EPHB3: variants seen among roughly 807,000 people sequenced by gnomAD.
The protein encoded by EPHB3 is EPH receptor B3, also known as ephrin type-B receptor 3.
Under a neutral mutation model 100.2 loss-of-function variants are expected in EPHB3, and 33 were observed. The observed-to-expected ratio is 0.33, with a 90% CI of 0.25 to 0.44. The LOEUF is 0.44. Among genes scored for constraint, EPHB3 ranks in the 20% least tolerant of loss-of-function variants. EPHB3 has a pLI of 1.00. For synonymous variants in EPHB3, 526 were observed against 554.7 expected, an observed-to-expected ratio of 0.95 and a Z score of 0.73; for missense variants, 1,045 against 1,378.3, an observed-to-expected ratio of 0.76 and a Z score of 3.83.
rs779086977 is a variant in EPHB3, at chr3:184,573,097, T to C, written c.777T>C (p.Asp259=). The change falls in exon 3 of 16, where the codon GAT becomes GAC. Residue 259 remains aspartate, a synonymous_variant. Transcript: ENST00000330394. This position sits in a 1 kb window ranked among gnomAD's most constrained non-coding sequence, Gnocchi z 4.5. The part of the protein sequence containing the change: ...SVPLKLYCNG[D]GEWMVPVGAC... ...CACTCAAGCTCTACTGCAACGGCGA[T>C]GGGGAGTGGATGGTGCCTGTGGGTG... 2.5e-6 allele frequency: 4 copies of C among 1,612,998 alleles called. No homozygotes were observed. Among genetic ancestry groups the C allele is most frequent in the Admixed American group, 3.3e-5 (2 of 60,022 alleles).
rs1026119465 is a variant in EPHB3, at chr3:184,581,832, G to C, written c.*210G>C. The stretch of plus-strand genomic sequence containing the variant: ...TCTTCATATTGAAGATGGATTAGGA[G>C]AGGGGGTGATGACCCCTCCCCAAGC... On this transcript the variant is annotated 3_prime_UTR_variant, in exon 16 of 16. Transcript: ENST00000330394. 21 of 553,168 alleles carry C rather than the reference G, an allele frequency of 3.8e-5. No individual in the cohort carries two copies. The highest frequency in any genetic ancestry group is 6.3e-5 in the Non-Finnish European group (20 of 319,904). 34.3% of individuals were successfully genotyped at this position (553,168 alleles called of 1,614,324 possible).
At position 184,562,371 on chromosome 3, in the gene EPHB3, G is replaced by C. The variant is rs765272306; in HGVS notation, c.118+18G>C. 1.6e-6 allele frequency: 2 copies of C among 1,218,208 alleles called. No homozygotes were observed. Among genetic ancestry groups the C allele is most frequent in the Non-Finnish European group, 2.0e-6 (2 of 980,842 alleles). 75.5% of individuals were successfully genotyped at this position (1,218,208 alleles called of 1,614,324 possible). A position where few individuals can be genotyped will look rare whatever the true frequency, so the allele number is the denominator to read the frequency against. On this transcript the variant is annotated intron_variant, in intron 1 of 15. Transcript: ENST00000330394. This position sits in a 1 kb window ranked among gnomAD's most constrained non-coding sequence, Gnocchi z 4.8. ...GCTGGAAGGTGAGCGGCGTCGGGGG[G>C]CGCGCCCGGGAACAAGGTGCCTGGG...
At position 184,581,091 on chromosome 3, in the gene EPHB3, C is replaced by T. The variant is rs747777747; in HGVS notation, c.2658C>T (p.Ser886=). Residue 886 remains serine (S), a synonymous_variant, in exon 14 of 16, where the codon TCC becomes TCT. Coordinates refer to ENST00000330394, the MANE Select transcript of EPHB3 (RefSeq NM_004443.4). ...ACCGGAACCTCAGGCCCAAATTCTC[C>T]CAGATTGTCAATACCCTGGACAAGC... is the stretch of plus-strand genomic sequence containing the variant. ...VRDRNLRPKF[S]QIVNTLDKLI... 2 of 1,614,076 alleles carry T rather than the reference C, an allele frequency of 1.2e-6. No homozygotes were observed. Among genetic ancestry groups the T allele is most frequent in the Non-Finnish European group, 1.7e-6 (2 of 1,180,048 alleles).
rs762220469 is a variant in EPHB3 at position 184,573,039 on chromosome 3, C to G, written c.719C>G (p.Thr240Ser). 6.2e-7 allele frequency: 1 copy of G among 1,613,248 alleles called. No individual in the cohort carries two copies. Among genetic ancestry groups the G allele is most frequent in the Non-Finnish European group, 8.5e-7 (1 of 1,180,000 alleles). The change falls in exon 3 of 16, where the codon ACC (threonine) becomes AGC (serine). Residue 240 changes from threonine (T) to serine (S), a missense_variant. Physicochemically the swap from Thr to Ser is moderately conservative, Grantham distance 58 (BLOSUM62 1). Around this residue, in one of 2 missense-constraint regions of EPHB3, gnomAD observed 985 missense variants for 1,331.1 expected, o/e 0.74. Coordinates refer to ENST00000330394, the MANE Select transcript of EPHB3 (RefSeq NM_004443.4). This position sits in a 1 kb window ranked among gnomAD's most constrained non-coding sequence, Gnocchi z 4.5. ...ACCTCGCTGGTCATTGCTCCTGGCACCTGCATCCCTAACGCCGTGGAGGTG... is the reference window on the plus strand; with the variant it reads ...ACCTCGCTGGTCATTGCTCCTGGCAGCTGCATCCCTAACGCCGTGGAGGTG... ...EPTSLVIAPG[T>S]CIPNAVEVSV...
Position 184,578,471 on chromosome 3 carries a change from G to A in EPHB3, c.1801+5G>A. Reference sequence around the variant, plus strand: ...CGGAGAAGCTGCAGCAGTACAGTGAGTTTGTCCCCGCCGCCCTCCCCAAGC... The same window carrying A: ...CGGAGAAGCTGCAGCAGTACAGTGAATTTGTCCCCGCCGCCCTCCCCAAGC... On this transcript the variant is annotated splice_donor_5th_base_variant and intron_variant, in intron 9 of 15. Coordinates refer to ENST00000330394, the MANE Select transcript of EPHB3 (RefSeq NM_004443.4). The surrounding 1 kb of genome is among the most constrained non-coding windows in gnomAD (Gnocchi z 4.7). The A allele has an allele frequency of 6.2e-7, 1 of 1,613,752 alleles. No homozygotes were observed. The highest frequency in any genetic ancestry group is 8.5e-7 in the Non-Finnish European group (1 of 1,179,884).
rs939981407 is a variant in EPHB3 at position 184,572,137 on chromosome 3, A to G, written c.184-367A>G. On this transcript the variant is annotated intron_variant, in intron 2 of 15. Coordinates refer to ENST00000330394, the MANE Select transcript of EPHB3 (RefSeq NM_004443.4). This position sits in a 1 kb window ranked among gnomAD's most constrained non-coding sequence, Gnocchi z 6.6. ...TTCCTCACAGCCTCGTTTAGTTCCA[A>G]GCAGCCCCATTTTACAGATGACAAA... Among the ~76,000 whole-genome samples the G allele has an allele frequency of 9.2e-5, 14 of 152,364 alleles. No individual in the cohort carries two copies. The highest frequency in any genetic ancestry group is 4.1e-4 in the South Asian group (2 of 4,828).
chr3:184,575,893 A>G lies in EPHB3; in HGVS notation c.920A>G (p.Asn307Ser), dbSNP rs1437170309. 6.8e-6 allele frequency: 11 copies of G among 1,613,406 alleles called. No individual in the cohort carries two copies. Among genetic ancestry groups the G allele is most frequent in the Non-Finnish European group, 8.5e-6 (10 of 1,179,820 alleles). Residue 307 changes from asparagine to serine, a missense_variant, in exon 4 of 16, where the codon AAC becomes AGC. By Grantham distance (46) the Asn-to-Ser change is conservative. Transcript: ENST00000330394. The stretch of plus-strand genomic sequence containing the variant: ...GGGCCCTGCCTCCCATGTCCCCCCA[A>G]CAGCCGTACCACCTCCCCAGCCGCC... ...GEGPCLPCPP[N>S]SRTTSPAASI... is the part of the protein sequence containing the mutation.
intron 3 of EPHB3, among the ~76,000 whole-genome samples, chr3:184,574,946 A>G (rs1303870977): frequency 2.6e-5 from 4 of 152,208 alleles, no homozygotes; most frequent in Non-Finnish European, 4.4e-5. Context: ...GTTCTCCCCT[A>G]TGGGTGTCCC....
chr3:184,579,958 C>T lies in EPHB3; in HGVS notation c.2172+24C>T, dbSNP rs1017062177. On this transcript the variant is annotated intron_variant, in intron 11 of 15. Coordinates refer to ENST00000330394, the MANE Select transcript of EPHB3 (RefSeq NM_004443.4). The surrounding 1 kb of genome is among the most constrained non-coding windows in gnomAD (Gnocchi z 5.2). Reference sequence around the variant, plus strand: ...GGGTAAGAGCCAGCCCCCAGGCCCTCTCCCTCCCCCAGAGAGTTGGATTGG... The same window carrying T: ...GGGTAAGAGCCAGCCCCCAGGCCCTTTCCCTCCCCCAGAGAGTTGGATTGG... 6.9e-6 allele frequency: 11 copies of T among 1,604,402 alleles called. No homozygotes were observed. The highest frequency in any genetic ancestry group is 9.4e-6 in the Non-Finnish European group (11 of 1,175,410).
rs1255408978 is a variant in EPHB3 at position 184,573,487 on chromosome 3, C to T, written c.856+311C>T. Reference sequence around the variant, plus strand: ...CGCAGTCAGAAGCTTAGGAGGCTGGCAGAGATGCTCGCTTTGTCCCGGCCT... The same window carrying T: ...CGCAGTCAGAAGCTTAGGAGGCTGGTAGAGATGCTCGCTTTGTCCCGGCCT... On this transcript the variant is annotated intron_variant, in intron 3 of 15. Coordinates refer to ENST00000330394, the MANE Select transcript of EPHB3 (RefSeq NM_004443.4). The surrounding 1 kb of genome is among the most constrained non-coding windows in gnomAD (Gnocchi z 4.5). 6.6e-6 allele frequency among the ~76,000 whole-genome samples: 1 copy of T among 152,192 alleles called. No individual in the cohort carries two copies. Among genetic ancestry groups the T allele is most frequent in the Non-Finnish European group, 1.5e-5 (1 of 68,028 alleles).
At position 184,573,255 on chromosome 3, in the gene EPHB3, T is replaced by G; in HGVS notation, c.856+79T>G. On this transcript the variant is annotated intron_variant, in intron 3 of 15. Transcript: ENST00000330394. The surrounding 1 kb of genome is among the most constrained non-coding windows in gnomAD (Gnocchi z 4.5). ...TACCTACCGCCCCGCCCCCCACCCC[T>G]GCTTGCTATCTGACTAGGAGGTCTG... 6.4e-7 allele frequency: 1 copy of G among 1,557,768 alleles called. No homozygotes were observed.
At position 184,571,766 on chromosome 3, in the gene EPHB3, G is replaced by A. The variant is rs894700863; in HGVS notation, c.183+384G>A. On this transcript the variant is annotated intron_variant, in intron 2 of 15. Coordinates refer to ENST00000330394, the MANE Select transcript of EPHB3 (RefSeq NM_004443.4). The surrounding 1 kb of genome is among the most constrained non-coding windows in gnomAD (Gnocchi z 5.0). ...TTGCTGTGTGACCTTGGGCAAGGCCGTTTACCCCTCTGGGTGGCCACTTCT... is the reference window on the plus strand; with the variant it reads ...TTGCTGTGTGACCTTGGGCAAGGCCATTTACCCCTCTGGGTGGCCACTTCT... Among the ~76,000 whole-genome samples the A allele has an allele frequency of 2.6e-5, 4 of 152,006 alleles. No homozygotes were observed. The highest frequency in any genetic ancestry group is 9.7e-5 in the African/African-American group (4 of 41,376).
rs1714708434 is a variant in EPHB3 at position 184,577,537 on chromosome 3, A to T, written c.1479+70A>T. On this transcript the variant is annotated intron_variant, in intron 6 of 15. Coordinates refer to ENST00000330394, the MANE Select transcript of EPHB3 (RefSeq NM_004443.4). This position sits in a 1 kb window ranked among gnomAD's most constrained non-coding sequence, Gnocchi z 4.9. ...CTGAGAAAATTACCCCCGGATCATG[A>T]TGGGGCCCTTGGGAGCAAGGCCTTG... The T allele has an allele frequency of 2.5e-6, 4 of 1,601,178 alleles. No homozygotes were observed. The Admixed American group carries it at 6.8e-5, about 27-fold the overall frequency.
At chr3:184,575,169 A>T in intron 3 of EPHB3, 1 of 985,404 alleles carries the variant, frequency 1.0e-6, no homozygotes, top group Non-Finnish European at 1.2e-6. Flanking sequence ...ACTGGGGAGA[A>T]GGGATGCTCA....
In EPHB3 at chr3:184,577,891, T is replaced by C; in HGVS notation, c.1640-7T>C. 6.2e-7 allele frequency: 1 copy of C among 1,613,166 alleles called. No homozygotes were observed. Among genetic ancestry groups the C allele is most frequent in the Non-Finnish European group, 8.5e-7 (1 of 1,179,524 alleles). ...CCTCCACTCAGCAGCCCCTTCTCTA[T>C]CTCCAGGCTCTGGGGCCCAGCAGCT... On this transcript the variant is annotated splice_region_variant and splice_polypyrimidine_tract_variant and intron_variant, in intron 7 of 15. Transcript: ENST00000330394. The surrounding 1 kb of genome is among the most constrained non-coding windows in gnomAD (Gnocchi z 4.9).
rs1434748186 is a variant in EPHB3, at chr3:184,578,438, G to C, written c.1773G>C (p.Ser591=). 1.1e-5 allele frequency: 17 copies of C among 1,613,800 alleles called. No individual in the cohort carries two copies. The highest frequency in any genetic ancestry group is 1.4e-5 in the Non-Finnish European group (17 of 1,179,972). ...GGAAGCAGCGACACGGCTCTGATTCGGAGTACACGGAGAAGCTGCAGCAGT... is the reference window on the plus strand; with the variant it reads ...GGAAGCAGCGACACGGCTCTGATTCCGAGTACACGGAGAAGCTGCAGCAGT... The part of the protein sequence containing the change: ...CLRKQRHGSD[S]EYTEKLQQYI... Residue 591 remains serine, a synonymous_variant, in exon 9 of 16, where the codon TCG becomes TCC. Coordinates refer to ENST00000330394, the MANE Select transcript of EPHB3 (RefSeq NM_004443.4). The surrounding 1 kb of genome is among the most constrained non-coding windows in gnomAD (Gnocchi z 4.7).
chr3:184,578,090 C>G lies in EPHB3; in HGVS notation c.1748+84C>G. On this transcript the variant is annotated intron_variant, in intron 8 of 15. Transcript: ENST00000330394. This position sits in a 1 kb window ranked among gnomAD's most constrained non-coding sequence, Gnocchi z 4.7. The stretch of plus-strand genomic sequence containing the variant: ...GAGCCCTCATGCCACAGAGATGAGC[C>G]GCCACCACTTCCCTCAGACCCAGGG... 1 of 1,435,140 alleles carries G rather than the reference C, an allele frequency of 7.0e-7. No individual in the cohort carries two copies. The highest frequency in any genetic ancestry group is 9.5e-7 in the Non-Finnish European group (1 of 1,053,630). The allele number at this position is 1,435,140 out of a possible 1,614,324, so 88.9% of individuals were successfully genotyped here.
At position 184,563,711 on chromosome 3, in the gene EPHB3, C is replaced by T. The variant is rs890541394; in HGVS notation, c.118+1358C>T. ...CTCACCCACATGTGTGTGATAGGATCGCAGGCGTGAGAACCCAGTGTGGGG... is the reference window on the plus strand; with the variant it reads ...CTCACCCACATGTGTGTGATAGGATTGCAGGCGTGAGAACCCAGTGTGGGG... On this transcript the variant is annotated intron_variant, in intron 1 of 15. Coordinates refer to ENST00000330394, the MANE Select transcript of EPHB3 (RefSeq NM_004443.4). The surrounding 1 kb of genome is among the most constrained non-coding windows in gnomAD (Gnocchi z 4.1). 1.3e-5 allele frequency among the ~76,000 whole-genome samples: 2 copies of T among 152,212 alleles called. No individual in the cohort carries two copies. The highest frequency in any genetic ancestry group is 4.8e-5 in the African/African-American group (2 of 41,452).
chr3:184,575,257 G>T, intron 3 of EPHB3: 1 of 983,584 alleles, frequency 1.0e-6, no homozygotes, highest in Non-Finnish European at 1.2e-6. Flanking sequence ...CAGCCTTCCT[G>T]CCTGCTTTCT....
Sources: gnomAD v4.1 joint callset for allele counts (sites outside exome capture counted in the v4.1 genomes callset) on GRCh38, gnomAD v4.1.1 for gene constraint, gnomAD v4.1.1 regional missense constraint, Gnocchi (gnomAD v3.1) non-coding constraint, MANE v1.5 for transcripts, NCBI Gene and HGNC (gene_info 2026-07-23, HGNC 2026-07-21) for gene names.